The following CCDC178 variants were observed in gnomAD, a reference collection of about 807,000 sequenced individuals.
The protein encoded by CCDC178 is coiled-coil domain-containing protein 178.
In CCDC178, 126 loss-of-function variants were observed where a neutral mutation model predicts 117.4. The ratio of observed to expected loss-of-function variants is 1.07; its 90% CI spans 0.93 to 1.24. The LOEUF is 1.24. Ranked by LOEUF, CCDC178 falls within the 50% of genes most tolerant of loss-of-function variation. CCDC178 has a pLI of 0.00. For synonymous variants in CCDC178, 283 were observed against 313.4 expected (o/e 0.90, Z 1.02); for missense variants, 1,030 against 986.9 (o/e 1.04, Z -0.59).
chr18:33,222,260 C>T (rs918735076), intron 18 of CCDC178, among the ~76,000 whole-genome samples: 1 of 149,664 alleles, frequency 6.7e-6, no homozygotes, highest in Non-Finnish European at 1.5e-5. Flanking sequence ...TCCCTCCTTT[C>T]CTGCCTCCTT....
intron 21 of CCDC178, 62 bp downstream of exon 21, chr18:33,092,699 T>G (rs1454591929): frequency 2.5e-6 from 3 of 1,191,708 alleles, no homozygotes; most frequent in Non-Finnish European, 3.6e-6. Flanking sequence ...TGACTACTTT[T>G]TACTTTTGTA....
At chr18:33,237,097 G>A (rs745768761) in intron 15 of CCDC178, among the ~76,000 whole-genome samples, 4 of 152,162 alleles carry the variant, frequency 2.6e-5, no homozygotes, top group Non-Finnish European at 5.9e-5. Context: ...GCACTGTCTT[G>A]ATACCAGAGC....
At chr18:33,257,312 T>C (rs1435180857) in intron 14 of CCDC178, among the ~76,000 whole-genome samples, 2 of 152,130 alleles carry the variant, frequency 1.3e-5, no homozygotes, top group African/African-American at 4.8e-5. Context: ...GTCCCAGAAG[T>C]AGACAGATAC....
intron 21 of CCDC178, among the ~76,000 whole-genome samples, chr18:33,046,659 G>A (rs2056648545): frequency 6.6e-6 from 1 of 152,024 alleles, no homozygotes; most frequent in Non-Finnish European, 1.5e-5. Context: ...GCAAAATGAA[G>A]CCATTCATGT....
chr18:33,226,710 T>C (rs2059306368), intron 16 of CCDC178, 83 bp downstream of exon 16: 2 of 899,988 alleles, frequency 2.2e-6, no homozygotes, highest in Non-Finnish European at 3.5e-6. Context: ...AGTGACAAGA[T>C]GCCTCATTAC....
chr18:33,219,145 T>C (rs868733516), intron 18 of CCDC178, among the ~76,000 whole-genome samples: 2 of 152,032 alleles, frequency 1.3e-5, no homozygotes, highest in South Asian at 4.1e-4. Flanking sequence ...GGTTTGTAGT[T>C]CTCCTTGAAG....
At chr18:33,039,844 A>G (rs747054656) in intron 21 of CCDC178, among the ~76,000 whole-genome samples, 2 of 152,022 alleles carry the variant, frequency 1.3e-5, no homozygotes, top group African/African-American at 4.8e-5. Flanking sequence ...GCCTCAGAAA[A>G]GGAAGAAACT....
chr18:33,031,239 AG>A (rs2056336106), intron 21 of CCDC178, among the ~76,000 whole-genome samples: 1 of 146,916 alleles, frequency 6.8e-6, no homozygotes, highest in Admixed American at 6.8e-5. Context: ...ATATTTTTGG[AG>A]TTTTTTTTTT....
At chr18:32,940,986 G>A (rs762184820) in intron 22 of CCDC178, among the ~76,000 whole-genome samples, 2 of 151,984 alleles carry the variant, frequency 1.3e-5, no homozygotes, top group Non-Finnish European at 2.9e-5. Flanking sequence ...TAGGAACTCA[G>A]TAATAGAGCT....
intron 11 of CCDC178, among the ~76,000 whole-genome samples, chr18:33,316,844 G>A (rs2062425958): frequency 1.3e-5 from 2 of 152,038 alleles, no homozygotes; most frequent in Non-Finnish European, 2.9e-5. Context: ...GTACCAATCA[G>A]CACTCTGTGT....
intron 20 of CCDC178, among the ~76,000 whole-genome samples, chr18:33,109,754 T>C (rs2057757004): frequency 6.8e-6 from 1 of 147,678 alleles, no homozygotes; most frequent in Non-Finnish European, 1.5e-5. Flanking sequence ...TATCTTTTGC[T>C]CAATCTTAAT....
intron 4 of CCDC178, among the ~76,000 whole-genome samples, chr18:33,394,476 A>G (rs1486897826): frequency 2.0e-5 from 3 of 151,974 alleles, no homozygotes; most frequent in Non-Finnish European, 4.4e-5. Flanking sequence ...TCCTGTTTAC[A>G]ATATATAATT....
At chr18:33,338,814 C>A (rs1217926463) in intron 9 of CCDC178, among the ~76,000 whole-genome samples, 1 of 151,954 alleles carries the variant, frequency 6.6e-6, no homozygotes, top group Non-Finnish European at 1.5e-5. Context: ...ATAAGTGCAC[C>A]AAAATCTCAG....
At chr18:33,339,489 A>G (rs1481528207) in intron 9 of CCDC178, among the ~76,000 whole-genome samples, 3 of 151,242 alleles carry the variant, frequency 2.0e-5, no homozygotes, top group Non-Finnish European at 4.4e-5. Context: ...AACTACAATA[A>G]AATGGACAAA....
intron 11 of CCDC178, among the ~76,000 whole-genome samples, chr18:33,295,360 A>T (rs2062093756): frequency 1.3e-5 from 2 of 152,128 alleles, no homozygotes; most frequent in South Asian, 4.1e-4. Flanking sequence ...TTTAGAAAAC[A>T]AATTTCTTTG....
Position 33,181,643 on chromosome 18 carries a change from T to C in CCDC178, c.2238+30253A>G, listed in dbSNP as rs1054595657. 4.6e-5 allele frequency among the ~76,000 whole-genome samples: 7 copies of C among 152,088 alleles called. No homozygotes were observed. In the South Asian group the frequency reaches 1.2e-3, roughly 27 times the overall value. ...GTGATTTTTAATACAAACTTTTTTA[T>C]GTTTCTGAGAATCAGTGGTGCTTGA... is the stretch of plus-strand genomic sequence containing the variant. On this transcript the variant is annotated intron_variant, in intron 20 of 22. Transcript: ENST00000383096.
intron 15 of CCDC178, among the ~76,000 whole-genome samples, chr18:33,237,594 G>A (rs1369154942): frequency 1.4e-5 from 2 of 148,040 alleles, no homozygotes; most frequent in Non-Finnish European, 3.0e-5. Flanking sequence ...CCAAGCATCT[G>A]CATGCCCATG....
chr18:33,223,750 T>C (rs2059267784), intron 17 of CCDC178, among the ~76,000 whole-genome samples: 1 of 152,174 alleles, frequency 6.6e-6, no homozygotes, highest in Non-Finnish European at 1.5e-5. Flanking sequence ...CAACCTCACT[T>C]AGGCTTTTGA....
At chr18:33,136,172 G>A (rs2058123374) in intron 20 of CCDC178, 1 of 152,230 alleles carries the variant, frequency 6.6e-6, no homozygotes, top group Non-Finnish European at 1.5e-5. Context: ...AGAAGCCAGA[G>A]AACTGAATGT....
Sources: allele counts gnomAD v4.1 joint callset (sites outside exome capture counted in the v4.1 genomes callset), GRCh38; gene constraint gnomAD v4.1.1; transcripts MANE v1.5; gene names NCBI Gene and HGNC (gene_info 2026-07-23, HGNC 2026-07-21).